Variants in NFATC3 observed in about 807,000 individuals in gnomAD.
NFATC3 encodes the protein nuclear factor of activated T cells 3, also known as nuclear factor of activated T-cells, cytoplasmic 3.
In NFATC3, 46 loss-of-function variants were observed where a neutral mutation model predicts 98.6. The ratio of observed to expected loss-of-function variants is 0.47; its 90% CI spans 0.37 to 0.60. NFATC3 has a LOEUF of 0.60. NFATC3 is among the 20% of genes least tolerant of loss of function. The probability of loss-of-function intolerance (pLI) is 0.00; values close to 1 mark genes in which losing one functional copy is unlikely to be tolerated. For synonymous variants in NFATC3, 512 were observed against 472.2 expected (o/e 1.08, Z -1.09); for missense variants, 1,256 against 1,295.5 (o/e 0.97, Z 0.47).
chr16:68,223,806 A>C (rs1455826742), intron 9 of NFATC3, among the ~76,000 whole-genome samples: 1 of 151,012 alleles, frequency 6.6e-6, no homozygotes, highest in Non-Finnish European at 1.5e-5. Flanking sequence ...GAGGCAGGAG[A>C]ACCACTTGAA....
chr16:68,111,080 G>A (rs1211320065), intron 1 of NFATC3, among the ~76,000 whole-genome samples: 4 of 152,150 alleles, frequency 2.6e-5, no homozygotes, highest in Non-Finnish European at 5.9e-5. Context: ...GTATGTGATC[G>A]AATCTAGAGT....
intron 3 of NFATC3, among the ~76,000 whole-genome samples, chr16:68,139,542 G>T (rs1598429645): frequency 6.6e-6 from 1 of 152,168 alleles, no homozygotes; most frequent in Non-Finnish European, 1.5e-5. Flanking sequence ...TTAAACATCA[G>T]TTATAATGAT....
chr16:68,153,543 C>G (rs1225684636), intron 3 of NFATC3, among the ~76,000 whole-genome samples: 1 of 152,182 alleles, frequency 6.6e-6, no homozygotes, highest in Admixed American at 6.5e-5. Flanking sequence ...TCACTGTTAC[C>G]TCGACTACAG....
chr16:68,089,339 G>T, intron 1 of NFATC3: 1 of 945,520 alleles, frequency 1.1e-6, no homozygotes, highest in Non-Finnish European at 1.3e-6. Context: ...ATACATTTGT[G>T]ACTGACGACT....
intron 3 of NFATC3, among the ~76,000 whole-genome samples, chr16:68,139,227 CT>C (rs1024675785): frequency 4.3e-4 from 65 of 152,150 alleles, no homozygotes; most frequent in African/African-American, 1.5e-3. Context: ...GGGATTTTTT[CT>C]TTATAAAATG....
intron 3 of NFATC3, among the ~76,000 whole-genome samples, chr16:68,135,924 A>G (rs900648953): frequency 2.0e-5 from 3 of 151,744 alleles, no homozygotes; most frequent in Admixed American, 6.6e-5. Flanking sequence ...TTAGCTGGGC[A>G]TGGTGGTGCA....
chr16:68,192,983 G>C (rs1036579139), intron 9 of NFATC3, among the ~76,000 whole-genome samples: 1 of 152,158 alleles, frequency 6.6e-6, no homozygotes, highest in African/African-American at 2.4e-5. Context: ...TTGGCTTTCT[G>C]TATGCATGGG....
chr16:68,101,022 G>A (rs2035322513), intron 1 of NFATC3, among the ~76,000 whole-genome samples: 1 of 151,908 alleles, frequency 6.6e-6, no homozygotes, highest in South Asian at 2.1e-4. Context: ...TTTTGTAGAA[G>A]TTTTACATTT....
intron 3 of NFATC3, among the ~76,000 whole-genome samples, chr16:68,143,209 T>TAAAAA (rs5817630): frequency 2.0e-5 from 1 of 49,746 alleles, no homozygotes; most frequent in Non-Finnish European, 4.8e-5. Context: ...AAGACCATGC[T>TAAAAA]AAAAAAAAAA....
chr16:68,183,271 A>G lies in NFATC3; in HGVS notation c.2003A>G (p.His668Arg). 1.9e-6 allele frequency: 3 copies of G among 1,602,274 alleles called. No homozygotes were observed. The highest frequency in any genetic ancestry group is 2.5e-6 in the Non-Finnish European group (3 of 1,176,602). The change falls in exon 8 of 10, where the codon CAT (histidine) becomes CGT (arginine). Residue 668 changes from histidine (H) to arginine (R), a missense_variant. By Grantham distance (29) the His-to-Arg change is conservative. Coordinates refer to ENST00000346183, the MANE Select transcript of NFATC3 (RefSeq NM_173165.3). ...ATTGTCCTTGAAGTTCCTCCATATC[A>G]TAACCCAGCAGTTACAGCTGCAGTG... ...AHIVLEVPPY[H>R]NPAVTAAVQV... is the part of the protein sequence containing the mutation.
intron 5 of NFATC3, 84 bp downstream of exon 5, chr16:68,167,099 G>GA: frequency 7.1e-7 from 1 of 1,406,052 alleles, no homozygotes; most frequent in Non-Finnish European, 9.7e-7. Context: ...GTATGCGTCT[G>GA]AAGTGCAAAC....
intron 4 of NFATC3, among the ~76,000 whole-genome samples, chr16:68,158,888 A>G (rs558475600): frequency 2.6e-5 from 4 of 152,300 alleles, no homozygotes; most frequent in African/African-American, 9.6e-5. Flanking sequence ...GATCATGCTT[A>G]TATGTAAGGA....
intron 9 of NFATC3, among the ~76,000 whole-genome samples, chr16:68,214,813 A>C (rs528011796): frequency 1.3e-5 from 2 of 152,294 alleles, no homozygotes; most frequent in African/African-American, 4.8e-5. Flanking sequence ...ATGTGAATGA[A>C]ATCAGGAAAT....
chr16:68,104,653 G>GTTTTTTTTTTTTTTTTTTTAAAT (rs778016298), intron 1 of NFATC3, among the ~76,000 whole-genome samples: 1 of 126,698 alleles, frequency 7.9e-6, no homozygotes, highest in African/African-American at 3.1e-5. Context: ...TTCACAAATG[G>GTTTTTTTTTTTTTTTTTTTAAAT]TTTTTTTTTT....
At chr16:68,215,870 A>G (rs928171927) in intron 9 of NFATC3, among the ~76,000 whole-genome samples, 2 of 151,630 alleles carry the variant, frequency 1.3e-5, no homozygotes, top group African/African-American at 2.4e-5. Flanking sequence ...TGGGACTACA[A>G]GGCGCCTGCC....
chr16:68,099,060 C>T (rs551492421), intron 1 of NFATC3, among the ~76,000 whole-genome samples: 3 of 152,302 alleles, frequency 2.0e-5, no homozygotes, highest in South Asian at 2.1e-4. Context: ...ATTTTACATG[C>T]ACTGATTTGT....
In NFATC3 at chr16:68,174,533, G is replaced by T; in HGVS notation, c.1915+19G>T. ...GGACAAGGTAAGTAATATATGAGTTGATTGACTTCAAACTAAGGGGCAAAG... is the reference window on the plus strand; with the variant it reads ...GGACAAGGTAAGTAATATATGAGTTTATTGACTTCAAACTAAGGGGCAAAG... On this transcript the variant is annotated intron_variant, in intron 6 of 9. Transcript: ENST00000346183. 6.5e-7 allele frequency: 1 copy of T among 1,539,176 alleles called. No individual in the cohort carries two copies. The highest frequency in any genetic ancestry group is 1.3e-5 in the South Asian group (1 of 76,160).
chr16:68,098,300 A>ATTATTTTTTT (rs1461722980), intron 1 of NFATC3, among the ~76,000 whole-genome samples: 2 of 94,340 alleles, frequency 2.1e-5, no homozygotes, highest in African/African-American at 9.1e-5. Context: ...TATTATTATT[A>ATTATTTTTTT]TTTTTTTTTT....
In NFATC3 at chr16:68,173,424, G is replaced by A. The variant is rs934967621; in HGVS notation, c.1775-950G>A. Among the ~76,000 whole-genome samples the A allele has an allele frequency of 2.6e-5, 4 of 151,958 alleles. No homozygotes were observed. In the South Asian group the frequency reaches 8.3e-4, roughly 32 times the overall value. ...TCTACCAGAAATAAAAAAATTAGCC[G>A]GGTATGGTGGCACATGCCTGTAATC... On this transcript the variant is annotated intron_variant, in intron 5 of 9. Coordinates refer to ENST00000346183, the MANE Select transcript of NFATC3 (RefSeq NM_173165.3).
Sources: allele counts gnomAD v4.1 joint callset (sites outside exome capture counted in the v4.1 genomes callset), GRCh38; gene constraint gnomAD v4.1.1; transcripts MANE v1.5; gene names NCBI Gene and HGNC (gene_info 2026-07-23, HGNC 2026-07-21).